The following WLS variants were observed in gnomAD, a reference collection of about 807,000 sequenced individuals.
WLS encodes the protein protein wntless homolog.
A neutral mutation model predicts 62.8 loss-of-function variants in WLS; 23 were observed. The observed-to-expected ratio is 0.37, with a 90% confidence interval of 0.26 to 0.52. The LOEUF is 0.52. Ranked by LOEUF, WLS falls within the 20% of genes least tolerant of loss-of-function variation. The probability of loss-of-function intolerance (pLI) is 0.92; values close to 1 mark genes in which losing one functional copy is unlikely to be tolerated. For missense variants in WLS, 615 were observed against 697.3 expected (o/e 0.88, Z 1.33); for synonymous variants, 246 against 244.1 (o/e 1.01, Z -0.07).
At chr1:68,131,743 A>G (rs906964805) in intron 11 of WLS, among the ~76,000 whole-genome samples, 1 of 152,188 alleles carries the variant, frequency 6.6e-6, no homozygotes, top group Non-Finnish European at 1.5e-5. Flanking sequence ...TCAGAATGTG[A>G]CTGTGTTTAG....
At chr1:68,192,361 A>C (rs543014485) in intron 2 of WLS, among the ~76,000 whole-genome samples, 15 of 152,256 alleles carry the variant, frequency 9.9e-5, no homozygotes, top group Admixed American at 9.8e-4. Flanking sequence ...TCACAGCTGT[A>C]AACCAAAAAT....
intron 2 of WLS, chr1:68,176,420 G>A (rs921106142): frequency 3.6e-5 from 5 of 139,800 alleles, no homozygotes; most frequent in Non-Finnish European, 8.0e-5. Flanking sequence ...ACCACCAAGT[G>A]AGAAGTCCAG....
intron 2 of WLS, among the ~76,000 whole-genome samples, chr1:68,193,444 G>GAAAAAAA (rs111934768): frequency 3.8e-3 from 136 of 35,612 alleles, no homozygotes; most frequent in African/African-American, 9.7e-3. Context: ...AAAAAAAAAC[G>GAAAAAAA]AAAAAAAAAC....
At chr1:68,150,513 G>A (rs1423875502) in intron 5 of WLS, among the ~76,000 whole-genome samples, 157 bp from the exon 6 acceptor site, 1 of 152,232 alleles carries the variant, frequency 6.6e-6, no homozygotes, top group Non-Finnish European at 1.5e-5. Context: ...AACGTCCTAT[G>A]TAGTTGGCAC....
At chr1:68,191,515 G>GT (rs1349415766) in intron 2 of WLS, among the ~76,000 whole-genome samples, 3 of 152,114 alleles carry the variant, frequency 2.0e-5, no homozygotes, top group Non-Finnish European at 2.9e-5. Flanking sequence ...CACATAACAT[G>GT]TTTTTTCTTA....
intron 2 of WLS, among the ~76,000 whole-genome samples, chr1:68,170,080 A>T (rs112534652): frequency 3.3e-5 from 5 of 150,668 alleles, no homozygotes; most frequent in Admixed American, 3.3e-4. Context: ...CACTGTGAGG[A>T]GTAAATGAGA....
chr1:68,214,396 G>A (rs1237586605), intron 1 of WLS, among the ~76,000 whole-genome samples: 4 of 150,656 alleles, frequency 2.7e-5, no homozygotes, highest in Non-Finnish European at 4.4e-5. Flanking sequence ...ATGGAGTCTC[G>A]CACTGTCACC....
rs5774906 is a variant in WLS at position 68,102,986 on chromosome 1, C to CT, written c.1511-4234dup. On this transcript the variant is annotated intron_variant, in intron 11 of 11. Transcript: ENST00000354777. ...TCTTCCCCTGGCAGTGCTCTGAACC[C>CT]TTTTTTTTGCCGGGGGCACTGTCAC... Among the ~76,000 whole-genome samples, 1,470 of 151,944 alleles carry CT rather than the reference C, an allele frequency of 9.7e-3. 23 individuals are homozygous for CT. The highest frequency in any genetic ancestry group is 0.031 in the African/African-American group (1,284 of 41,424).
At chr1:68,185,582 A>G (rs1647887305) in intron 2 of WLS, among the ~76,000 whole-genome samples, 1 of 152,186 alleles carries the variant, frequency 6.6e-6, no homozygotes, top group African/African-American at 2.4e-5. Flanking sequence ...GTATTCATGC[A>G]AGGGATCTAG....
At chr1:68,125,288 T>A (rs973189612), downstream of WLS, 2 of 974,054 alleles carry the variant, frequency 2.1e-6, no homozygotes, top group Admixed American at 6.2e-5. Flanking sequence ...TATCAGTTTT[T>A]CAGAAACCTA....
intron 1 of WLS, among the ~76,000 whole-genome samples, chr1:68,228,897 G>GT (rs10713302): frequency 0.041 from 3,711 of 90,502 alleles, 113 homozygotes; most frequent in Non-Finnish European, 0.05. Flanking sequence ...GTTTTTTTTT[G>GT]TTTTTTTTTT....
chr1:68,110,701 A>ATG (rs1646217042), intron 11 of WLS, among the ~76,000 whole-genome samples: 3 of 146,618 alleles, frequency 2.0e-5, no homozygotes, highest in East Asian at 2.0e-4. Context: ...CCATATATAT[A>ATG]TGTGTGTGTA....
intron 1 of WLS, among the ~76,000 whole-genome samples, chr1:68,231,092 G>T (rs1650393916): frequency 6.6e-6 from 1 of 152,238 alleles, no homozygotes; most frequent in Non-Finnish European, 1.5e-5. Flanking sequence ...TGCAAAGTTG[G>T]CATTGAAGTT....
At chr1:68,121,596 C>T (rs1023377493), downstream of WLS, among the ~76,000 whole-genome samples, 9 of 152,138 alleles carry the variant, frequency 5.9e-5, no homozygotes, top group Non-Finnish European at 1.0e-4. Context: ...GAGAGACAGC[C>T]TGCAGAAGTC....
intron 11 of WLS, chr1:68,102,856 G>A (rs981851): frequency 0.045 from 6,901 of 152,454 alleles, 350 homozygotes; most frequent in African/African-American, 0.12. Flanking sequence ...GGAGGAGTGG[G>A]CCCTGCACCT....
chr1:68,190,971 T>C (rs1377997063), intron 2 of WLS, among the ~76,000 whole-genome samples: 1 of 150,704 alleles, frequency 6.6e-6, no homozygotes, highest in Non-Finnish European at 1.5e-5. Flanking sequence ...GGCAGGAGAA[T>C]CTCTTGATCA....
Position 68,148,319 on chromosome 1 carries a change from A to T in WLS, c.1071-120T>A, listed in dbSNP as rs900046504. On this transcript the variant is annotated intron_variant, in intron 7 of 11. Transcript: ENST00000262348. Reference sequence around the variant, plus strand: ...GGTGAGGGCTGTATTTAGGCTAAAAAACATTACAGAAATCCTAAAGAGAAA... The same window carrying T: ...GGTGAGGGCTGTATTTAGGCTAAAATACATTACAGAAATCCTAAAGAGAAA... The T allele has an allele frequency of 7.3e-6, 8 of 1,089,504 alleles. No individual in the cohort carries two copies. The African/African-American group carries it at 1.3e-4, about 17-fold the overall frequency. 67.5% of individuals were successfully genotyped at this position (1,089,504 alleles called of 1,614,324 possible).
chr1:68,126,640 G>A (rs181197624), intron 11 of WLS, among the ~76,000 whole-genome samples: 11 of 152,216 alleles, frequency 7.2e-5, no homozygotes, highest in East Asian at 1.9e-4. Flanking sequence ...TGTGCCTGAC[G>A]CTATTCTAAT....
chr1:68,177,657 A>T (rs1227976141), intron 2 of WLS, among the ~76,000 whole-genome samples: 1 of 152,016 alleles, frequency 6.6e-6, no homozygotes, highest in Non-Finnish European at 1.5e-5. Context: ...CCACATCCTG[A>T]TAATTTTTGT....
Sources: allele counts gnomAD v4.1 joint callset (sites outside exome capture counted in the v4.1 genomes callset), GRCh38; gene constraint gnomAD v4.1.1; transcripts MANE v1.5; gene names NCBI Gene and HGNC (gene_info 2026-07-23, HGNC 2026-07-21).